DPP8: variants seen among roughly 807,000 people sequenced by gnomAD.
The protein encoded by DPP8 is DPP VIII.
A neutral mutation model predicts 107.5 loss-of-function variants in DPP8; 31 were observed. That is an observed-to-expected ratio of 0.29 (90% CI 0.22 to 0.39). The LOEUF (loss-of-function observed/expected upper bound fraction) is 0.39. DPP8 is among the 10% of genes least tolerant of loss of function. DPP8 has a pLI of 1.00. For synonymous variants in DPP8, 381 were observed against 356.6 expected, an observed-to-expected ratio of 1.07 and a Z score of -0.77; for missense variants, 842 against 1,076.1, an observed-to-expected ratio of 0.78 and a Z score of 3.04.
At chr15:65,484,835 T>C (rs777878432) in intron 8 of DPP8, among the ~76,000 whole-genome samples, 2 of 152,194 alleles carry the variant, frequency 1.3e-5, no homozygotes, top group Non-Finnish European at 2.9e-5. Flanking sequence ...ACTACCTTTT[T>C]TTCTTTTAAC....
In DPP8 at chr15:65,443,218, A is replaced by C. The variant is rs1423995902; in HGVS notation, c.*3666T>G. ...TAAAAATTTACCTTTTCTATATATC[A>C]TTTAACTACCATGAGGCAGGACACC... On this transcript the variant is annotated 3_prime_UTR_variant, in exon 20 of 20. Coordinates refer to ENST00000300141, the MANE Select transcript of DPP8 (RefSeq NM_130434.5). The C allele has an allele frequency of 6.6e-6, 1 of 152,172 alleles. No homozygotes were observed. The highest frequency in any genetic ancestry group is 2.4e-5 in the African/African-American group (1 of 41,440). 9.4% of individuals were successfully genotyped at this position (152,172 alleles called of 1,614,324 possible).
rs969162687 is a variant in DPP8, at chr15:65,443,881, C to T, written c.*3003G>A. 2.6e-5 allele frequency: 4 copies of T among 152,160 alleles called. No homozygotes were observed. Among genetic ancestry groups the T allele is most frequent in the African/African-American group, 9.7e-5 (4 of 41,438 alleles). The allele number at this position is 152,160 out of a possible 1,614,324, so 9.4% of individuals were successfully genotyped here. A position where few individuals can be genotyped will look rare whatever the true frequency, so the allele number is the denominator to read the frequency against. ...GGAAAGCTTGTTAGAAATGCACATT[C>T]CTGGTGTCTACCCAAATCAATGGAA... On this transcript the variant is annotated 3_prime_UTR_variant, in exon 20 of 20. Transcript: ENST00000300141.
chr15:65,455,164 A>T (rs894898780), intron 16 of DPP8, among the ~76,000 whole-genome samples: 3 of 152,140 alleles, frequency 2.0e-5, no homozygotes, highest in Non-Finnish European at 4.4e-5. Context: ...ACATGGTCTC[A>T]CTCTGCTGTC....
intron 4 of DPP8, among the ~76,000 whole-genome samples, chr15:65,500,380 T>C (rs959304289): frequency 4.0e-5 from 6 of 151,690 alleles, no homozygotes; most frequent in African/African-American, 1.5e-4. Flanking sequence ...ACGGCACCAT[T>C]GCACTCCAGC....
chr15:65,500,858 C>T, intron 3 of DPP8, 79 bp from the exon 4 acceptor site: 7 of 959,892 alleles, frequency 7.3e-6, no homozygotes, highest in Non-Finnish European at 6.2e-6. Context: ...CCTAGAATCT[C>T]CAACATTATT....
intron 12 of DPP8, among the ~76,000 whole-genome samples, chr15:65,471,997 T>C (rs1437146165): frequency 6.6e-6 from 1 of 152,212 alleles, no homozygotes; most frequent in Non-Finnish European, 1.5e-5. Context: ...GTCACACACA[T>C]ACAGGATGGA....
chr15:65,453,336 C>T (rs2064129233), intron 17 of DPP8, among the ~76,000 whole-genome samples: 1 of 152,088 alleles, frequency 6.6e-6, no homozygotes, highest in Admixed American at 6.5e-5. Context: ...CTAATCATAA[C>T]CATCTCCTAC....
chr15:65,443,083 C>T lies in DPP8; in HGVS notation c.*3801G>A, dbSNP rs77494460. 1 of 152,288 alleles carries T rather than the reference C, an allele frequency of 6.6e-6. No homozygotes were observed. The highest frequency in any genetic ancestry group is 1.5e-5 in the Non-Finnish European group (1 of 68,030). The allele number at this position is 152,288 out of a possible 1,614,324, so 9.4% of individuals were successfully genotyped here. A position where few individuals can be genotyped will look rare whatever the true frequency, so the allele number is the denominator to read the frequency against. ...GAATGTCATATACTAATCAGAAGTACTGCTTCATTAATAAACATGCTTAGC... is the reference window on the plus strand; with the variant it reads ...GAATGTCATATACTAATCAGAAGTATTGCTTCATTAATAAACATGCTTAGC... On this transcript the variant is annotated 3_prime_UTR_variant, in exon 20 of 20. Transcript: ENST00000300141.
chr15:65,449,135 G>C (rs980284444), intron 19 of DPP8, among the ~76,000 whole-genome samples: 18 of 144,292 alleles, frequency 1.2e-4, no homozygotes, highest in African/African-American at 4.5e-4. Context: ...GCTTGAACCC[G>C]GGAGGCAGAG....
chr15:65,457,872 C>T (rs572794868), intron 15 of DPP8, among the ~76,000 whole-genome samples: 24 of 152,142 alleles, frequency 1.6e-4, no homozygotes, highest in Non-Finnish European at 3.1e-4. Context: ...TAGTTCACTA[C>T]AGCCTCGAAC....
rs893103139 is a variant in DPP8 at position 65,442,631 on chromosome 15, C to T, written c.*4253G>A. The T allele has an allele frequency of 6.6e-6, 1 of 152,200 alleles. No individual in the cohort carries two copies. Among genetic ancestry groups the T allele is most frequent in the Non-Finnish European group, 1.5e-5 (1 of 68,032 alleles). The allele number at this position is 152,200 out of a possible 1,614,324, so 9.4% of individuals were successfully genotyped here. A position where few individuals can be genotyped will look rare whatever the true frequency, so the allele number is the denominator to read the frequency against. Reference sequence around the variant, plus strand: ...TTATACAAGTCAATGCTTAAAACAGCAGGCACTTCATGTTCTAAAATTAAA... The same window carrying T: ...TTATACAAGTCAATGCTTAAAACAGTAGGCACTTCATGTTCTAAAATTAAA... On this transcript the variant is annotated 3_prime_UTR_variant, in exon 20 of 20. Transcript: ENST00000300141.
chr15:65,446,086 A>C lies in DPP8; in HGVS notation c.*798T>G, dbSNP rs1301432657. 5 of 152,210 alleles carry C rather than the reference A, an allele frequency of 3.3e-5. 1 individual carries two copies. The highest frequency in any genetic ancestry group is 1.2e-4 in the African/African-American group (5 of 41,546). The allele number at this position is 152,210 out of a possible 1,614,324, so 9.4% of individuals were successfully genotyped here. A position where few individuals can be genotyped will look rare whatever the true frequency, so the allele number is the denominator to read the frequency against. ...TTTCCTTTTCTTAAAGGAAAAAAAA[A>C]AACTTGCCTGCAAATATTTAAGCTC... On this transcript the variant is annotated 3_prime_UTR_variant, in exon 20 of 20. Coordinates refer to ENST00000300141, the MANE Select transcript of DPP8 (RefSeq NM_130434.5).
rs377001894 is a variant in DPP8, at chr15:65,456,352, C to T, written c.1991G>A (p.Arg664Gln). 21 of 1,612,526 alleles carry T rather than the reference C, an allele frequency of 1.3e-5. No homozygotes were observed. Among genetic ancestry groups the T allele is most frequent in the Admixed American group, 6.7e-5 (4 of 59,706 alleles). Reference protein sequence around the residue: ...GGPQVQLVNNRFKGVKYFRLN... With the variant: ...GGPQVQLVNNQFKGVKYFRLN... ...GCGGAAATACTTGACTCCTTTAAAC[C>T]GATTATTCACCAACTGCACCTGAGG... The change falls in exon 16 of 20, where the codon CGG becomes CAG. Residue 664 changes from arginine (R) to glutamine (Q), a missense_variant. Arg to Gln is a conservative substitution (Grantham distance 43). Around this residue, in one of 2 missense-constraint regions of DPP8, gnomAD observed 179 missense variants for 318.0 expected, o/e 0.56. Coordinates refer to ENST00000300141, the MANE Select transcript of DPP8 (RefSeq NM_130434.5).
chr15:65,511,166 A>G (rs1189596501), intron 2 of DPP8, among the ~76,000 whole-genome samples: 1 of 152,174 alleles, frequency 6.6e-6, no homozygotes, highest in Admixed American at 6.6e-5. Context: ...AGTGATATTC[A>G]CTTCCTCATC....
At chr15:65,449,044 C>T (rs2140313278) in intron 19 of DPP8, among the ~76,000 whole-genome samples, 1 of 142,382 alleles carries the variant, frequency 7.0e-6, no homozygotes, top group African/African-American at 2.5e-5. Context: ...CCTGTCTCTA[C>T]TAAAAGTACA....
intron 12 of DPP8, among the ~76,000 whole-genome samples, chr15:65,468,456 T>G (rs1398873189): frequency 6.6e-6 from 1 of 150,710 alleles, no homozygotes; most frequent in African/African-American, 2.5e-5. Context: ...ATCATGCCAA[T>G]GCATTCCAGC....
intron 6 of DPP8, among the ~76,000 whole-genome samples, chr15:65,488,621 A>C (rs1417471299): frequency 1.3e-5 from 2 of 151,214 alleles, no homozygotes; most frequent in East Asian, 1.9e-4. Context: ...AAAAAAAAAA[A>C]AAAAAAACCC....
intron 16 of DPP8, chr15:65,455,704 T>G: frequency 2.5e-6 from 3 of 1,219,566 alleles, no homozygotes; most frequent in Non-Finnish European, 3.1e-6. Flanking sequence ...AAAATCCCCA[T>G]GTCTTACTCA....
At chr15:65,502,038 T>A (rs1365273522) in intron 3 of DPP8, among the ~76,000 whole-genome samples, 5 of 152,132 alleles carry the variant, frequency 3.3e-5, no homozygotes, top group African/African-American at 1.2e-4. Flanking sequence ...TACACACTTG[T>A]GCCACCACGC....
Sources: allele counts gnomAD v4.1 joint callset (sites outside exome capture counted in the v4.1 genomes callset), GRCh38; gene constraint gnomAD v4.1.1; regional missense constraint gnomAD v4.1.1; transcripts MANE v1.5; gene names NCBI Gene and HGNC (gene_info 2026-07-23, HGNC 2026-07-21).